The following RPS6KC1 variants were observed in gnomAD, a reference collection of about 807,000 sequenced individuals.
RPS6KC1 encodes the protein ribosomal protein S6 kinase C1.
RPS6KC1 carries 54 observed loss-of-function variants against 103.8 expected under a neutral mutation model. The observed-to-expected ratio is 0.52, with a 90% CI of 0.42 to 0.65. RPS6KC1 has a LOEUF of 0.65. Among genes scored for constraint, RPS6KC1 ranks in the 30% least tolerant of loss-of-function variants. The pLI is 0.00. For missense variants in RPS6KC1, 1,151 were observed against 1,253.8 expected (o/e 0.92, Z 1.24); for synonymous variants, 439 against 438.7 (o/e 1.00, Z -0.01).
the RPS6KC1 span, among the ~76,000 whole-genome samples, chr1:213,398,531 C>A: frequency 8.7e-4 from 133 of 152,208 alleles, no homozygotes; most frequent in African/African-American, 2.9e-3. Context: ...GCCTGTCACA[C>A]TTCCTTTTCA....
the RPS6KC1 span, among the ~76,000 whole-genome samples, chr1:213,460,863 GA>G: frequency 1.3e-5 from 2 of 152,090 alleles, no homozygotes; most frequent in Non-Finnish European, 2.9e-5. Flanking sequence ...AGTTTGGCTG[GA>G]TATGAAATTC....
At chr1:213,512,608 G>A in the RPS6KC1 span, among the ~76,000 whole-genome samples, 19 of 152,266 alleles carry the variant, frequency 1.2e-4, no homozygotes, top group East Asian at 1.2e-3. Context: ...TCAGTGCTGT[G>A]ATTCCATGCT....
the RPS6KC1 span, among the ~76,000 whole-genome samples, chr1:213,713,720 G>T: frequency 6.6e-6 from 1 of 152,176 alleles, no homozygotes; most frequent in African/African-American, 2.4e-5. Context: ...TGTTTTATGT[G>T]AGAATTTTTT....
At position 213,226,843 on chromosome 1, in the gene RPS6KC1, C is replaced by T. The variant is rs541677981; in HGVS notation, c.1045-3654C>T. Among the ~76,000 whole-genome samples the T allele has an allele frequency of 5.1e-4, 77 of 152,300 alleles. 1 individual carries two copies. The highest frequency in any genetic ancestry group is 1.8e-3 in the African/African-American group (76 of 41,566). On this transcript the variant is annotated intron_variant, in intron 8 of 14. Transcript: ENST00000366960. ...CTATGTTTTCTCTTTGTACTTTTCT[C>T]ATTACACTTTTGGTTATTGTCTTAT...
chr1:213,413,620 C>T, the RPS6KC1 span, among the ~76,000 whole-genome samples: 1 of 152,194 alleles, frequency 6.6e-6, no homozygotes, highest in Admixed American at 6.5e-5. Flanking sequence ...CCTCATTGGG[C>T]TACTTGAGTA....
At chr1:213,382,864 C>G in the RPS6KC1 span, among the ~76,000 whole-genome samples, 1 of 152,220 alleles carries the variant, frequency 6.6e-6, no homozygotes, top group Non-Finnish European at 1.5e-5. Context: ...GGCTTTGCCC[C>G]TGGTAGATAA....
chr1:213,252,812 T>C (rs773482447), intron 12 of RPS6KC1, among the ~76,000 whole-genome samples: 6 of 152,178 alleles, frequency 3.9e-5, no homozygotes, highest in African/African-American at 9.7e-5. Flanking sequence ...GTATGGATCT[T>C]GTGGCCTTAA....
chr1:213,082,418 G>A (rs1245832680), intron 3 of RPS6KC1, among the ~76,000 whole-genome samples: 3 of 152,010 alleles, frequency 2.0e-5, no homozygotes, highest in Non-Finnish European at 2.9e-5. Flanking sequence ...GCGACAGAGC[G>A]AGACTCCATC....
At chr1:213,188,997 G>A (rs973882568) in intron 8 of RPS6KC1, among the ~76,000 whole-genome samples, 4 of 152,068 alleles carry the variant, frequency 2.6e-5, no homozygotes, top group African/African-American at 7.2e-5. Context: ...TGTGGTGCTG[G>A]TATAGAGACA....
the RPS6KC1 span, among the ~76,000 whole-genome samples, chr1:213,621,031 C>T: frequency 6.6e-6 from 1 of 152,194 alleles, no homozygotes; most frequent in Admixed American, 6.5e-5. Flanking sequence ...TTGACCTCTT[C>T]TTTCTGTGTC....
At chr1:213,367,807 G>C in the RPS6KC1 span, among the ~76,000 whole-genome samples, 1 of 152,222 alleles carries the variant, frequency 6.6e-6, no homozygotes, top group African/African-American at 2.4e-5. Context: ...CTGGCTTAAG[G>C]AGGGTAGATA....
the RPS6KC1 span, among the ~76,000 whole-genome samples, chr1:213,544,165 G>A: frequency 5.1e-4 from 78 of 152,304 alleles, no homozygotes; most frequent in African/African-American, 1.9e-3. Flanking sequence ...ATAAGGTTAA[G>A]TGGAAGGATG....
chr1:213,810,646 TAATTCTGACAGGTGAGTTTG>T, the RPS6KC1 span, among the ~76,000 whole-genome samples: 717 of 152,344 alleles, frequency 4.7e-3, 6 homozygotes, highest in African/African-American at 0.016. Flanking sequence ...CATTAGCTGT[TAATTCTGACAGGTGAGTTTG>T]AATTATAATA....
the RPS6KC1 span, among the ~76,000 whole-genome samples, chr1:213,509,545 A>AC: frequency 6.6e-6 from 1 of 152,322 alleles, no homozygotes; most frequent in African/African-American, 2.4e-5. Context: ...TTCAAGGCTT[A>AC]CCTAGAGGGT....
chr1:213,108,681 G>T (rs2082720174), intron 4 of RPS6KC1, among the ~76,000 whole-genome samples: 2 of 147,730 alleles, frequency 1.4e-5, no homozygotes, highest in South Asian at 2.1e-4. Flanking sequence ...AAGAATTGGG[G>T]TCTCACTTTT....
At chr1:213,146,933 A>G (rs1298851697) in intron 6 of RPS6KC1, among the ~76,000 whole-genome samples, 1 of 151,918 alleles carries the variant, frequency 6.6e-6, no homozygotes, top group Non-Finnish European at 1.5e-5. Flanking sequence ...TTTGATTTGC[A>G]TTTCTCTGAT....
At chr1:213,057,055 T>C (rs1030808797) in intron 1 of RPS6KC1, among the ~76,000 whole-genome samples, 16 of 152,004 alleles carry the variant, frequency 1.1e-4, no homozygotes, top group Admixed American at 1.0e-3. Context: ...TCCTCCCACC[T>C]CAGCCTCCCT....
At chr1:213,724,586 G>C in the RPS6KC1 span, among the ~76,000 whole-genome samples, 1 of 152,274 alleles carries the variant, frequency 6.6e-6, no homozygotes, top group South Asian at 2.1e-4. Context: ...TGGGCACACA[G>C]TTATCCTCAT....
chr1:213,182,888 ATATG>A (rs1245881096), intron 8 of RPS6KC1, among the ~76,000 whole-genome samples: 1 of 148,284 alleles, frequency 6.7e-6, no homozygotes, highest in African/African-American at 2.5e-5. Context: ...TGATGCATAT[ATATG>A]ACGTATATAT....
Sources: gnomAD v4.1 joint callset for allele counts (sites outside exome capture counted in the v4.1 genomes callset) on GRCh38, gnomAD v4.1.1 for gene constraint, MANE v1.5 for transcripts, NCBI Gene and HGNC (gene_info 2026-07-23, HGNC 2026-07-21) for gene names.